The following CTNNAL1 variants were observed in gnomAD, a reference collection of about 807,000 sequenced individuals.
The protein encoded by CTNNAL1 is catenin alpha like 1, also known as alpha-catulin.
A neutral mutation model predicts 93.6 loss-of-function variants in CTNNAL1; 69 were observed. The observed-to-expected ratio is 0.74, with a 90% CI of 0.61 to 0.90. CTNNAL1 has a LOEUF of 0.90. Among genes scored for constraint, CTNNAL1 ranks in the 40% least tolerant of loss-of-function variants. The pLI is 0.00. For missense variants in CTNNAL1, 836 were observed against 862.0 expected (o/e 0.97, Z 0.38); for synonymous variants, 286 against 305.4 (o/e 0.94, Z 0.66).
Position 108,952,286 on chromosome 9 carries a change from C to T in CTNNAL1, c.1758G>A (p.Trp586Ter). The T allele has an allele frequency of 6.2e-7, 1 of 1,614,172 alleles. No individual in the cohort carries two copies. Among genetic ancestry groups the T allele is most frequent in the Non-Finnish European group, 8.5e-7 (1 of 1,180,020 alleles). ...GAACAATCTCATTCTCCTGATCTTC[C>T]CACTTCTCAATTTCGCAGTCAGCGT... Reference protein sequence around the residue: ...TSDADCEIEKWEDQENEIVQY... With the variant: ...TSDADCEIEK Residue 586 changes from tryptophan to a stop codon, truncating the protein, a stop_gained, in exon 14 of 19, where the codon TGG becomes TGA. Transcript: ENST00000325551. LOFTEE classifies it high-confidence loss of function.
At position 108,983,368 on chromosome 9, in the gene CTNNAL1, A is replaced by C. The variant is rs367801747; in HGVS notation, c.730-53T>G. Reference sequence around the variant, plus strand: ...TAATATTTGATTTATGTCATAATGCACAAAAATCTTACAGAGAACATGTCA... The same window carrying C: ...TAATATTTGATTTATGTCATAATGCCCAAAAATCTTACAGAGAACATGTCA... On this transcript the variant is annotated intron_variant, in intron 5 of 18. Transcript: ENST00000325551. 6 of 1,358,170 alleles carry C rather than the reference A, an allele frequency of 4.4e-6. No individual in the cohort carries two copies. In the East Asian group the frequency reaches 1.2e-4, roughly 26 times the overall value. 84.1% of individuals were successfully genotyped at this position (1,358,170 alleles called of 1,614,324 possible).
At chr9:108,944,796 G>T (rs1205549854) in intron 15 of CTNNAL1, among the ~76,000 whole-genome samples, 1 of 152,106 alleles carries the variant, frequency 6.6e-6, no homozygotes, top group Non-Finnish European at 1.5e-5. Flanking sequence ...ATAAATTAAA[G>T]AATACTAAGA....
chr9:108,972,864 G>GGGGGGCGCCCCCCCCC, intron 8 of CTNNAL1, 31 bp from the exon 9 acceptor site: 11 of 142,506 alleles, frequency 7.7e-5, no homozygotes, highest in Non-Finnish European at 1.1e-4. Context: ...GGGGGGGTGG[G>GGGGGGCGCCCCCCCCC]AGGGTGGAGA....
intron 14 of CTNNAL1, among the ~76,000 whole-genome samples, chr9:108,950,904 C>A (rs1297781888): frequency 1.3e-5 from 2 of 152,122 alleles, no homozygotes; most frequent in Non-Finnish European, 2.9e-5. Flanking sequence ...AGTACTTTCT[C>A]CAATATCAGC....
At chr9:108,949,291 C>A (rs1830492213) in intron 14 of CTNNAL1, among the ~76,000 whole-genome samples, 1 of 152,192 alleles carries the variant, frequency 6.6e-6, no homozygotes, top group Non-Finnish European at 1.5e-5. Flanking sequence ...CGTAGTGCAA[C>A]CCCTCATGTT....
chr9:108,946,294 T>C (rs1208273606), intron 15 of CTNNAL1, among the ~76,000 whole-genome samples: 1 of 125,586 alleles, frequency 8.0e-6, no homozygotes, highest in Non-Finnish European at 1.7e-5. Flanking sequence ...CGAGACTAAG[T>C]CTCAAAAAAA....
chr9:108,955,983 T>G (rs960408076), intron 11 of CTNNAL1, among the ~76,000 whole-genome samples, 156 bp from the exon 12 acceptor site: 22 of 152,182 alleles, frequency 1.4e-4, no homozygotes, highest in African/African-American at 4.6e-4. Flanking sequence ...GAAATAAAAT[T>G]GTAATTTGGC....
intron 2 of CTNNAL1, among the ~76,000 whole-genome samples, chr9:108,997,652 CAG>C (rs1832072563): frequency 6.6e-6 from 1 of 152,194 alleles, no homozygotes; most frequent in Non-Finnish European, 1.5e-5. Flanking sequence ...GCTCCTCCCT[CAG>C]AGTTCCTCAT....
chr9:108,986,983 G>A (rs1339784853), intron 4 of CTNNAL1, among the ~76,000 whole-genome samples: 1 of 152,138 alleles, frequency 6.6e-6, no homozygotes, highest in East Asian at 1.9e-4. Flanking sequence ...TAGGTTGCCT[G>A]TTCACTGTGA....
At chr9:109,000,045 C>T (rs2132199792) in intron 1 of CTNNAL1, among the ~76,000 whole-genome samples, 1 of 152,150 alleles carries the variant, frequency 6.6e-6, no homozygotes, top group East Asian at 1.9e-4. Context: ...AAGAGAATTA[C>T]AAGAAGGGGA....
intron 8 of CTNNAL1, among the ~76,000 whole-genome samples, chr9:108,973,786 A>G (rs1831186414): frequency 6.6e-6 from 1 of 151,378 alleles, no homozygotes; most frequent in Non-Finnish European, 1.5e-5. Context: ...AATTAAATCT[A>G]TTTGAATGAA....
At chr9:109,013,199 A>G (rs1827262862) in intron 1 of CTNNAL1, 103 bp downstream of exon 1, 1 of 1,325,490 alleles carries the variant, frequency 7.5e-7, no homozygotes, top group African/African-American at 1.6e-5. Context: ...GCCGGCGCGG[A>G]AAGTGGGGCA....
rs751557242 is a variant in CTNNAL1 at position 108,943,983 on chromosome 9, A to G, written c.1920T>C (p.Ser640=). ...FAAEGLKLTS[S]VQAFSKQLKD... ...TTACCTGTTTTGAAAAAGCTTGAACACTGGAAGTAAGCTTTAAACCCTCTG... is the reference window on the plus strand; with the variant it reads ...TTACCTGTTTTGAAAAAGCTTGAACGCTGGAAGTAAGCTTTAAACCCTCTG... The change falls in exon 16 of 19, where the codon AGT becomes AGC. Residue 640 remains serine, a synonymous_variant. Transcript: ENST00000325551. The G allele has an allele frequency of 6.2e-7, 1 of 1,613,896 alleles. No homozygotes were observed. Among genetic ancestry groups the G allele is most frequent in the Non-Finnish European group, 8.5e-7 (1 of 1,179,884 alleles).
chr9:108,964,633 TC>T (rs1194214494), intron 11 of CTNNAL1, among the ~76,000 whole-genome samples: 3 of 152,128 alleles, frequency 2.0e-5, no homozygotes, highest in South Asian at 2.1e-4. Context: ...GGAAAGAGAT[TC>T]CATCCAAGTG....
At chr9:108,974,471 T>A (rs185411779) in intron 8 of CTNNAL1, among the ~76,000 whole-genome samples, 5 of 152,316 alleles carry the variant, frequency 3.3e-5, no homozygotes, top group Admixed American at 3.3e-4. Context: ...GAGATTTCAA[T>A]AGACATATCA....
chr9:108,962,046 T>C (rs938302430), intron 11 of CTNNAL1, among the ~76,000 whole-genome samples: 2 of 152,162 alleles, frequency 1.3e-5, no homozygotes, highest in African/African-American at 2.4e-5. Context: ...TAATAGAGTA[T>C]GGGTAGTTAA....
In CTNNAL1 at chr9:108,994,162, C is replaced by T. The variant is rs193296900; in HGVS notation, c.332-1343G>A. 9.6e-4 allele frequency among the ~76,000 whole-genome samples: 146 copies of T among 151,746 alleles called. 1 individual carries two copies. Among genetic ancestry groups the T allele is most frequent in the Admixed American group, 2.7e-3 (41 of 15,202 alleles). The stretch of plus-strand genomic sequence containing the variant: ...CAGAGAATCGCTTGGACCTGGGAAG[C>T]GGAGGTTGCAGTCAGCTGAGATGGC... On this transcript the variant is annotated intron_variant, in intron 2 of 18. Transcript: ENST00000325551.
Position 108,990,761 on chromosome 9 carries a change from CCATTT to C in CTNNAL1, c.599_603del (p.Glu200GlyfsTer10). 1 of 1,613,690 alleles carries C rather than the reference CCATTT, an allele frequency of 6.2e-7. No homozygotes were observed. Among genetic ancestry groups the C allele is most frequent in the Non-Finnish European group, 8.5e-7 (1 of 1,179,866 alleles). On this transcript the variant is annotated frameshift_variant, in exon 4 of 19. Transcript: ENST00000325551. LOFTEE classifies it high-confidence loss of function. ...TCTCCACTCAGATGTGCAAACTCCA[CCATTT>C]CATTTCCAAATTGACTGAATATTTG...
chr9:109,006,901 T>C (rs984453093), intron 1 of CTNNAL1, among the ~76,000 whole-genome samples: 1 of 151,618 alleles, frequency 6.6e-6, no homozygotes, highest in African/African-American at 2.4e-5. Context: ...CTCTGTGTTC[T>C]CACCTGTGAA....
Sources: gnomAD v4.1 joint callset for allele counts (sites outside exome capture counted in the v4.1 genomes callset) on GRCh38, gnomAD v4.1.1 for gene constraint, MANE v1.5 for transcripts, NCBI Gene and HGNC (gene_info 2026-07-23, HGNC 2026-07-21) for gene names.